Variants in GPHN observed in about 807,000 individuals in gnomAD.
The protein encoded by GPHN is gephyrin.
GPHN carries 17 observed loss-of-function variants against 95.5 expected under a neutral mutation model. That is an observed-to-expected ratio of 0.18 (90% confidence interval 0.12 to 0.27). The LOEUF (loss-of-function observed/expected upper bound fraction) is 0.27, where lower values mean the gene tolerates loss of function less well. Among genes scored for constraint, GPHN ranks in the 10% least tolerant of loss-of-function variants. The pLI is 1.00. For missense variants in GPHN, 660 were observed against 978.1 expected (o/e 0.67, Z 4.34); for synonymous variants, 320 against 322.5 (o/e 0.99, Z 0.08).
the GPHN span, chr14:67,585,483 G>A: frequency 1.1e-5 from 10 of 870,502 alleles, no homozygotes; most frequent in Admixed American, 2.1e-4. Flanking sequence ...GCAGATCCCT[G>A]GATGTGCCTT....
the GPHN span, among the ~76,000 whole-genome samples, chr14:67,731,328 C>T: frequency 6.6e-6 from 1 of 150,674 alleles, no homozygotes; most frequent in Non-Finnish European, 1.5e-5. Flanking sequence ...GATCCTCCTG[C>T]CTCAGCCTCC....
chr14:67,332,967 C>T, the GPHN span: 2 of 1,592,458 alleles, frequency 1.3e-6, no homozygotes, highest in East Asian at 2.3e-5. Context: ...AAGAAACATC[C>T]ATTCTGTGGC....
At chr14:67,682,219 G>C in the GPHN span, among the ~76,000 whole-genome samples, 1 of 152,150 alleles carries the variant, frequency 6.6e-6, no homozygotes. Flanking sequence ...GTAAGGCAAT[G>C]ATTTCTTAGA....
the GPHN span, chr14:67,729,148 C>A: frequency 6.3e-7 from 1 of 1,593,804 alleles, no homozygotes; most frequent in Non-Finnish European, 8.6e-7. Context: ...TTTTCCTGGG[C>A]TCAGAGTGTG....
At chr14:67,464,030 G>A in the GPHN span, among the ~76,000 whole-genome samples, 1 of 152,170 alleles carries the variant, frequency 6.6e-6, no homozygotes, top group African/African-American at 2.4e-5. Context: ...CCAGCTCACA[G>A]AGGTTAGTGT....
At chr14:66,878,457 A>C (rs986596922) in intron 4 of GPHN, among the ~76,000 whole-genome samples, 3 of 152,204 alleles carry the variant, frequency 2.0e-5, no homozygotes, top group Admixed American at 6.5e-5. Context: ...AAATTTTTGC[A>C]ATGTCTCTGT....
chr14:67,203,158 G>A, the GPHN span: 1 of 1,613,832 alleles, frequency 6.2e-7, no homozygotes, highest in East Asian at 2.2e-5. Flanking sequence ...GTAGGCATCT[G>A]TTTTTCCAGC....
chr14:67,341,668 C>A, the GPHN span, among the ~76,000 whole-genome samples: 1 of 152,238 alleles, frequency 6.6e-6, no homozygotes, highest in African/African-American at 2.4e-5. Context: ...CCGGCCACCA[C>A]CCCGTCTGGG....
chr14:67,569,654 C>T, the GPHN span: 1 of 516,922 alleles, frequency 1.9e-6, no homozygotes, highest in Non-Finnish European at 3.5e-6. Flanking sequence ...ACATCTGCAA[C>T]AGTGGAACAC....
the GPHN span, among the ~76,000 whole-genome samples, chr14:67,210,291 A>G: frequency 2.0e-4 from 30 of 152,168 alleles, no homozygotes; most frequent in African/African-American, 7.2e-4. Flanking sequence ...CAGAATTTCA[A>G]TGAAAAGAGC....
chr14:66,801,745 G>T (rs1450412747), intron 3 of GPHN, among the ~76,000 whole-genome samples: 1 of 148,360 alleles, frequency 6.7e-6, no homozygotes, highest in Non-Finnish European at 1.5e-5. Context: ...CACAATATTG[G>T]GTCTTGCTCA....
chr14:67,329,313 C>T, the GPHN span, among the ~76,000 whole-genome samples: 13 of 152,244 alleles, frequency 8.5e-5, no homozygotes, highest in Admixed American at 2.0e-4. Context: ...CTTGTGATTT[C>T]TGCACATTGA....
chr14:67,216,006 C>T, the GPHN span, among the ~76,000 whole-genome samples: 28 of 152,080 alleles, frequency 1.8e-4, no homozygotes, highest in African/African-American at 4.3e-4. Flanking sequence ...TTATTTTTTG[C>T]GTGCAGTTTT....
chr14:67,678,538 T>G, the GPHN span: 1 of 648,592 alleles, frequency 1.5e-6, no homozygotes. Flanking sequence ...TCCATGTACT[T>G]CACAGGGCCA....
the GPHN span, among the ~76,000 whole-genome samples, chr14:67,460,119 C>T: frequency 6.6e-6 from 1 of 152,122 alleles, no homozygotes; most frequent in Non-Finnish European, 1.5e-5. Flanking sequence ...CTTAGAAAGA[C>T]AAGAAGAAAA....
At position 66,508,310 on chromosome 14, in the gene GPHN, G is replaced by A. The variant is rs1466328147; in HGVS notation, c.-218G>A. 3.0e-5 allele frequency: 18 copies of A among 600,060 alleles called. No individual in the cohort carries two copies. The highest frequency in any genetic ancestry group is 5.0e-5 in the Non-Finnish European group (17 of 336,792). 37.2% of individuals were successfully genotyped at this position (600,060 alleles called of 1,614,324 possible). A position where few individuals can be genotyped will look rare whatever the true frequency, so the allele number is the denominator to read the frequency against. On this transcript the variant is annotated 5_prime_UTR_variant, in exon 1 of 23. Transcript: ENST00000478722. The stretch of plus-strand genomic sequence containing the variant: ...TGCCGGACTTGGGGCCGCGCGCCCT[G>A]ACTCCTTCCCCTCCCGCGGACCCGC...
chr14:67,471,532 A>T, the GPHN span: 1 of 152,132 alleles, frequency 6.6e-6, no homozygotes, highest in Non-Finnish European at 1.5e-5. Flanking sequence ...GATTCTCTGT[A>T]ACCCCCAAAG....
the GPHN span, among the ~76,000 whole-genome samples, chr14:67,224,321 C>T: frequency 1.3e-5 from 2 of 150,188 alleles, no homozygotes; most frequent in Non-Finnish European, 3.0e-5. Context: ...CGCAGTGGCA[C>T]GATCTCAGCT....
the GPHN span, among the ~76,000 whole-genome samples, chr14:67,506,361 G>T: frequency 6.6e-6 from 1 of 152,084 alleles, no homozygotes; most frequent in Admixed American, 6.5e-5. Flanking sequence ...AATCCCACTG[G>T]ATAAACATAA....
Sources: gnomAD v4.1 joint callset for allele counts (sites outside exome capture counted in the v4.1 genomes callset) on GRCh38, gnomAD v4.1.1 for gene constraint, MANE v1.5 for transcripts, NCBI Gene and HGNC (gene_info 2026-07-23, HGNC 2026-07-21) for gene names.